Variants in KIAA0586 observed in about 807,000 individuals in gnomAD.
KIAA0586 encodes KIAA0586.
KIAA0586 carries 144 observed loss-of-function variants against 169.8 expected under a neutral mutation model. That is an observed-to-expected ratio of 0.85 (90% confidence interval 0.74 to 0.97). The LOEUF (loss-of-function observed/expected upper bound fraction) is 0.97, where lower values mean the gene tolerates loss of function less well. KIAA0586 is among the 50% of genes least tolerant of loss of function. The pLI is 0.00. For missense variants in KIAA0586, 1,854 were observed against 1,823.0 expected, an observed-to-expected ratio of 1.02 and a Z score of -0.31; for synonymous variants, 625 against 612.4, an observed-to-expected ratio of 1.02 and a Z score of -0.30.
chr14:58,466,145 G>T (rs1238039254), intron 15 of KIAA0586, 116 bp downstream of exon 15: 2 of 702,284 alleles, frequency 2.8e-6, no homozygotes, highest in Non-Finnish European at 4.6e-6. Flanking sequence ...GGAACTCCTG[G>T]ACTCAAGCAG....
chr14:58,432,506 G>A lies in KIAA0586; in HGVS notation c.410+49G>A, dbSNP rs377003501. The A allele has an allele frequency of 1.7e-5, 17 of 1,006,434 alleles. No homozygotes were observed. The African/African-American group carries it at 2.8e-4, about 17-fold the overall frequency. The allele number at this position is 1,006,434 out of a possible 1,614,324, so 62.3% of individuals were successfully genotyped here. A position where few individuals can be genotyped will look rare whatever the true frequency, so the allele number is the denominator to read the frequency against. On this transcript the variant is annotated intron_variant, in intron 4 of 30. Coordinates refer to ENST00000652326, the MANE Select transcript of KIAA0586 (RefSeq NM_001329943.3). Reference sequence around the variant, plus strand: ...ATTGGACCATTTCTTATGTAAATCAGCTTCATTTGTACTTTGGACATATGA... The same window carrying A: ...ATTGGACCATTTCTTATGTAAATCAACTTCATTTGTACTTTGGACATATGA...
downstream of KIAA0586, among the ~76,000 whole-genome samples, chr14:58,552,866 T>G (rs2047223545): frequency 1.3e-5 from 2 of 152,366 alleles, no homozygotes; most frequent in South Asian, 4.1e-4. Flanking sequence ...CCCAGAATTA[T>G]GAAGATAAAC....
In KIAA0586 at chr14:58,495,911, C is replaced by A. The variant is rs865941410; in HGVS notation, c.3991-2872C>A. Reference sequence around the variant, plus strand: ...TATAAGCATTCATAATTTAAATAGGCACTGAAAAATTGCCCCTAGCTGTAT... The same window carrying A: ...TATAAGCATTCATAATTTAAATAGGAACTGAAAAATTGCCCCTAGCTGTAT... On this transcript the variant is annotated intron_variant, in intron 26 of 30. Coordinates refer to ENST00000652326, the MANE Select transcript of KIAA0586 (RefSeq NM_001329943.3). 5.9e-5 allele frequency among the ~76,000 whole-genome samples: 9 copies of A among 152,140 alleles called. No homozygotes were observed. The South Asian group carries it at 1.5e-3, about 25-fold the overall frequency.
intron 9 of KIAA0586, among the ~76,000 whole-genome samples, chr14:58,454,699 A>G (rs2039676807): frequency 2.0e-5 from 3 of 152,172 alleles, no homozygotes; most frequent in Admixed American, 2.0e-4. Context: ...TAGTTGTGGA[A>G]GCTGGAAGTT....
Position 58,466,003 on chromosome 14 carries a change from A to G in KIAA0586, c.2228A>G (p.His743Arg), listed in dbSNP as rs1190897774. Residue 743 changes from histidine to arginine, a missense_variant, in exon 15 of 31, where the codon CAT (histidine) becomes CGT (arginine). Physicochemically the swap from His to Arg is conservative, Grantham distance 29. Coordinates refer to ENST00000652326, the MANE Select transcript of KIAA0586 (RefSeq NM_001329943.3). ...ACTTTTTCAGGTACATTGGAAGGTC[A>G]TCTGATTCCTATGGCAATTCTTTTA... is the stretch of plus-strand genomic sequence containing the variant. ...MPTFSGTLEG[H>R]LIPMAILLGQ... 1 of 1,609,214 alleles carries G rather than the reference A, an allele frequency of 6.2e-7. No individual in the cohort carries two copies. The highest frequency in any genetic ancestry group is 1.3e-5 in the African/African-American group (1 of 74,878).
At chr14:58,483,489 A>G (rs1358190671) in intron 21 of KIAA0586, among the ~76,000 whole-genome samples, 1 of 152,192 alleles carries the variant, frequency 6.6e-6, no homozygotes, top group Non-Finnish European at 1.5e-5. Context: ...CCCCAGATTT[A>G]ACATTGGCGT....
chr14:58,467,588 C>T lies in KIAA0586; in HGVS notation c.2255-147C>T, dbSNP rs1021975414. 5 of 590,340 alleles carry T rather than the reference C, an allele frequency of 8.5e-6. No homozygotes were observed. In the Admixed American group the frequency reaches 1.2e-4, roughly 14 times the overall value. The allele number at this position is 590,340 out of a possible 1,614,324, so 36.6% of individuals were successfully genotyped here. Reference sequence around the variant, plus strand: ...AAGTCACTGGGTATGGTGAGTATGTCGACAGTGCTGATGATGGAGGGAGGG... The same window carrying T: ...AAGTCACTGGGTATGGTGAGTATGTTGACAGTGCTGATGATGGAGGGAGGG... On this transcript the variant is annotated intron_variant, in intron 15 of 30. Coordinates refer to ENST00000652326, the MANE Select transcript of KIAA0586 (RefSeq NM_001329943.3).
chr14:58,559,546 G>T, the KIAA0586 span, among the ~76,000 whole-genome samples: 1 of 152,144 alleles, frequency 6.6e-6, no homozygotes. Context: ...CTGGCAGGAG[G>T]GTTAGTCTGG....
chr14:58,441,814 A>G (rs1337755957), intron 4 of KIAA0586: 1 of 151,686 alleles, frequency 6.6e-6, no homozygotes, highest in Non-Finnish European at 1.5e-5. Context: ...TTTGTATTTT[A>G]GTAGAGATGG....
chr14:58,444,197 C>A, intron 6 of KIAA0586, 22 bp downstream of exon 6: 1 of 1,445,550 alleles, frequency 6.9e-7, no homozygotes, highest in Non-Finnish European at 9.7e-7. Context: ...AAATCCAGTA[C>A]AGATTCCATA....
downstream of KIAA0586, among the ~76,000 whole-genome samples, chr14:58,551,681 G>T (rs1304088859): frequency 6.6e-6 from 1 of 152,102 alleles, no homozygotes; most frequent in Non-Finnish European, 1.5e-5. Context: ...CAGGAGAATT[G>T]CTTGAACCCA....
In KIAA0586 at chr14:58,474,599, A is replaced by C. The variant is rs201424717; in HGVS notation, c.2635-8A>C. ...TGAATATAATAGTTTTGTTTTTGTT[A>C]CTACCAGGAAGAAGAAAAATGTGAT... is the stretch of plus-strand genomic sequence containing the variant. On this transcript the variant is annotated splice_polypyrimidine_tract_variant and splice_region_variant and intron_variant, in intron 18 of 30. Coordinates refer to ENST00000652326, the MANE Select transcript of KIAA0586 (RefSeq NM_001329943.3). 9.0e-6 allele frequency: 14 copies of C among 1,558,154 alleles called. 1 individual carries two copies. The East Asian group carries it at 3.2e-4, about 36-fold the overall frequency.
chr14:58,448,623 GT>G, intron 7 of KIAA0586, 130 bp downstream of exon 7: 1 of 530,758 alleles, frequency 1.9e-6, no homozygotes, highest in Non-Finnish European at 2.8e-6. Context: ...AGGAGTTTTT[GT>G]TTTATAAAAC....
intron 29 of KIAA0586, among the ~76,000 whole-genome samples, chr14:58,537,885 G>C (rs1419103131): frequency 2.0e-5 from 3 of 152,126 alleles, no homozygotes; most frequent in African/African-American, 7.2e-5. Flanking sequence ...CTGACCTCCT[G>C]ATCTTCCCAC....
intron 8 of KIAA0586, 118 bp downstream of exon 8, chr14:58,450,864 G>T (rs2039312343): frequency 3.3e-6 from 2 of 600,890 alleles, no homozygotes; most frequent in Non-Finnish European, 5.8e-6. Flanking sequence ...AATGACCCTT[G>T]CTGGGAAAAT....
At chr14:58,483,997 A>G (rs973900948) in intron 21 of KIAA0586, among the ~76,000 whole-genome samples, 1 of 152,114 alleles carries the variant, frequency 6.6e-6, no homozygotes, top group Non-Finnish European at 1.5e-5. Context: ...GGTCAGGGTT[A>G]TGGTTTTTTC....
intron 19 of KIAA0586, 122 bp downstream of exon 19, chr14:58,474,919 T>C (rs1317677052): frequency 5.3e-6 from 4 of 758,320 alleles, no homozygotes; most frequent in African/African-American, 1.8e-5. Flanking sequence ...TTTGCTTTAG[T>C]CACTGGAAAG....
intron 29 of KIAA0586, among the ~76,000 whole-genome samples, chr14:58,524,385 T>C (rs187569907): frequency 6.6e-6 from 1 of 152,212 alleles, no homozygotes; most frequent in East Asian, 1.9e-4. Flanking sequence ...CCTCAAACTT[T>C]AACAGACATA....
intron 19 of KIAA0586, among the ~76,000 whole-genome samples, chr14:58,475,962 A>G (rs1163250982): frequency 2.0e-5 from 3 of 152,062 alleles, no homozygotes; most frequent in Non-Finnish European, 4.4e-5. Flanking sequence ...ATTAGGTGCG[A>G]TGGTGCACAC....
Sources: gnomAD v4.1 joint callset for allele counts (sites outside exome capture counted in the v4.1 genomes callset) on GRCh38, gnomAD v4.1.1 for gene constraint, MANE v1.5 for transcripts, NCBI Gene and HGNC (gene_info 2026-07-23, HGNC 2026-07-21) for gene names.